The following BBS9 variants were observed in gnomAD, a reference collection of about 807,000 sequenced individuals.
The protein encoded by BBS9 is Bardet-Biedl syndrome 9, also known as protein PTHB1.
In BBS9, 89 loss-of-function variants were observed where a neutral mutation model predicts 117.7. The observed-to-expected ratio is 0.76, with a 90% CI of 0.64 to 0.90. The LOEUF is 0.90. Ranked by LOEUF, BBS9 falls within the 40% of genes least tolerant of loss-of-function variation. The probability of loss-of-function intolerance (pLI) is 0.00; values close to 1 mark genes in which losing one functional copy is unlikely to be tolerated. For synonymous variants in BBS9, 379 were observed against 370.9 expected (o/e 1.02, Z -0.25); for missense variants, 982 against 1,042.2 (o/e 0.94, Z 0.80).
chr7:33,248,909 A>G (rs1243483451), intron 5 of BBS9, among the ~76,000 whole-genome samples: 1 of 152,096 alleles, frequency 6.6e-6, no homozygotes, highest in Non-Finnish European at 1.5e-5. Flanking sequence ...AATATTTTTG[A>G]CAGCTGCATG....
intron 19 of BBS9, among the ~76,000 whole-genome samples, chr7:33,410,100 G>A (rs1457776260): frequency 6.6e-6 from 1 of 152,044 alleles, no homozygotes; most frequent in Non-Finnish European, 1.5e-5. Flanking sequence ...TGGACAACTG[G>A]GGCCATTTCT....
At chr7:33,189,804 T>G (rs1783779865) in intron 5 of BBS9, among the ~76,000 whole-genome samples, 1 of 151,038 alleles carries the variant, frequency 6.6e-6, no homozygotes, top group Non-Finnish European at 1.5e-5. Flanking sequence ...GAGAATCGCT[T>G]GAACCCAGGA....
chr7:33,603,565 T>C (rs765571253), intron 21 of BBS9, among the ~76,000 whole-genome samples: 11 of 152,082 alleles, frequency 7.2e-5, no homozygotes, highest in Non-Finnish European at 1.3e-4. Flanking sequence ...AGGAATTAAG[T>C]GAGATAATAT....
intron 19 of BBS9, among the ~76,000 whole-genome samples, chr7:33,486,979 A>G (rs1201070141): frequency 1.3e-5 from 2 of 152,258 alleles, no homozygotes; most frequent in East Asian, 1.9e-4. Flanking sequence ...CCACTGGGGT[A>G]TCTTCGTAAT....
chr7:33,453,798 G>T (rs1233212103), intron 19 of BBS9, among the ~76,000 whole-genome samples: 1 of 152,120 alleles, frequency 6.6e-6, no homozygotes, highest in African/African-American at 2.4e-5. Flanking sequence ...GGGATTACAG[G>T]CATGAGCCAC....
At chr7:33,326,883 T>C (rs993561706) in intron 9 of BBS9, among the ~76,000 whole-genome samples, 1 of 151,580 alleles carries the variant, frequency 6.6e-6, no homozygotes, top group Non-Finnish European at 1.5e-5. Flanking sequence ...TTTACTCTCC[T>C]CTCTCCTCTC....
chr7:33,297,766 A>G (rs1250453567), intron 9 of BBS9, among the ~76,000 whole-genome samples: 1 of 152,188 alleles, frequency 6.6e-6, no homozygotes, highest in African/African-American at 2.4e-5. Flanking sequence ...GGTCAATAAT[A>G]CATTCAGAAT....
chr7:33,472,503 CGG>C (rs1563222233), intron 19 of BBS9, among the ~76,000 whole-genome samples: 3 of 152,016 alleles, frequency 2.0e-5, no homozygotes, highest in East Asian at 3.9e-4. Flanking sequence ...AGCTTGAAGC[CGG>C]GTGACTGCTC....
intron 13 of BBS9, 188 bp downstream of exon 13, chr7:33,349,358 TG>T (rs1173538928): frequency 3.2e-6 from 2 of 626,754 alleles, no homozygotes; most frequent in Admixed American, 2.1e-5. Context: ...CAATGATTGT[TG>T]GGTCAAATTA....
chr7:33,267,701 A>G (rs1229035880), intron 7 of BBS9, among the ~76,000 whole-genome samples: 1 of 152,106 alleles, frequency 6.6e-6, no homozygotes, highest in Non-Finnish European at 1.5e-5. Flanking sequence ...TGAACCCCAT[A>G]TTACATTGTA....
At position 33,462,836 on chromosome 7, in the gene BBS9, GTCTTC is replaced by G. The variant is rs544393080; in HGVS notation, c.2116-42624_2116-42620del. Among the ~76,000 whole-genome samples, 19 of 152,068 alleles carry G rather than the reference GTCTTC, an allele frequency of 1.2e-4. No homozygotes were observed. In the South Asian group the frequency reaches 4.0e-3, roughly 32 times the overall value. On this transcript the variant is annotated intron_variant, in intron 19 of 22. Coordinates refer to ENST00000242067, the MANE Select transcript of BBS9 (RefSeq NM_198428.3). ...CAGCTCTTTTTGCAAAATGAGAGTG[GTCTTC>G]TCAAGAAGCAGTCATGAAGCCATAC...
intron 19 of BBS9, among the ~76,000 whole-genome samples, chr7:33,464,477 G>C (rs1347075793): frequency 6.6e-6 from 1 of 151,968 alleles, no homozygotes; most frequent in Admixed American, 6.6e-5. Context: ...AAGACTTTTG[G>C]GGAGGGAGTG....
At position 33,408,097 on chromosome 7, in the gene BBS9, G is replaced by C. The variant is rs181687380; in HGVS notation, c.2115+19953G>C. Among the ~76,000 whole-genome samples the C allele has an allele frequency of 7.8e-3, 1,186 of 152,314 alleles. 15 individuals carry two copies. The highest frequency in any genetic ancestry group is 0.014 in the Middle Eastern group (4 of 294). The stretch of plus-strand genomic sequence containing the variant: ...AGCTGTGGTGGGCTCCACCCAGTTC[G>C]AGCTTCCTGGCTGCTTTGTTTACCT... On this transcript the variant is annotated intron_variant, in intron 19 of 22. Transcript: ENST00000242067.
At chr7:33,250,002 T>A (rs1400707547) in intron 5 of BBS9, among the ~76,000 whole-genome samples, 1 of 152,216 alleles carries the variant, frequency 6.6e-6, no homozygotes. Flanking sequence ...TGTAATGCAG[T>A]TCTTTGATTT....
At chr7:33,249,987 T>G (rs1342521639) in intron 5 of BBS9, among the ~76,000 whole-genome samples, 5 of 152,210 alleles carry the variant, frequency 3.3e-5, no homozygotes, top group Non-Finnish European at 7.3e-5. Context: ...TCCTGGAAAT[T>G]TTATTGTAAT....
rs764500365 is a variant in BBS9, at chr7:33,533,940, G to C, written c.2299-14G>C. ...TCATCTTTGTATTAATTCAAAATTG[G>C]CTTTTGTATCCAGGGCTGGGAAGAA... is the stretch of plus-strand genomic sequence containing the variant. On this transcript the variant is annotated splice_polypyrimidine_tract_variant and intron_variant, in intron 20 of 22. Transcript: ENST00000242067. 2 of 1,613,878 alleles carry C rather than the reference G, an allele frequency of 1.2e-6. No individual in the cohort carries two copies. The highest frequency in any genetic ancestry group is 1.7e-6 in the Non-Finnish European group (2 of 1,179,812).
At chr7:33,579,004 G>T (rs759057566) in intron 21 of BBS9, among the ~76,000 whole-genome samples, 2 of 152,216 alleles carry the variant, frequency 1.3e-5, no homozygotes, top group Admixed American at 6.5e-5. Flanking sequence ...GCTTTAGGCT[G>T]CTGCCTTTTG....
chr7:33,535,272 C>T (rs766017608), intron 21 of BBS9, among the ~76,000 whole-genome samples: 1 of 152,028 alleles, frequency 6.6e-6, no homozygotes, highest in African/African-American at 2.4e-5. Context: ...CTTGCCCTGC[C>T]GCTGGGGCCC....
At chr7:33,246,948 A>C (rs1383846868) in intron 5 of BBS9, among the ~76,000 whole-genome samples, 1 of 152,138 alleles carries the variant, frequency 6.6e-6, no homozygotes, top group African/African-American at 2.4e-5. Context: ...GTTAACTTAA[A>C]ATAGTCAGAA....
Sources: gnomAD v4.1 joint callset for allele counts (sites outside exome capture counted in the v4.1 genomes callset) on GRCh38, gnomAD v4.1.1 for gene constraint, MANE v1.5 for transcripts, NCBI Gene and HGNC (gene_info 2026-07-23, HGNC 2026-07-21) for gene names.